The following ADAMTS18 variants were observed in gnomAD, a reference collection of about 807,000 sequenced individuals.
ADAMTS18 encodes ADAM metallopeptidase with thrombospondin type 1 motif 18, also known as A disintegrin and metalloproteinase with thrombospondin motifs 18.
In ADAMTS18, 157 loss-of-function variants were observed where a neutral mutation model predicts 165.9. The ratio of observed to expected loss-of-function variants is 0.95; its 90% CI spans 0.83 to 1.08. ADAMTS18 has a LOEUF of 1.08. Ranked by LOEUF, ADAMTS18 falls within the 50% of genes least tolerant of loss-of-function variation. The pLI, the probability that ADAMTS18 is intolerant of heterozygous loss-of-function variation, is 0.00. For missense variants in ADAMTS18, 2,040 were observed against 1,534.0 expected, an observed-to-expected ratio of 1.33 and a Z score of -5.51; for synonymous variants, 782 against 578.2, an observed-to-expected ratio of 1.35 and a Z score of -5.06.
intron 12 of ADAMTS18, among the ~76,000 whole-genome samples, chr16:77,331,099 G>T (rs182105192): frequency 9.6e-4 from 146 of 152,264 alleles, no homozygotes; most frequent in South Asian, 3.9e-3. Context: ...TGATAAAACT[G>T]CACTGAATGA....
At chr16:77,426,908 G>T (rs1385269741) in intron 3 of ADAMTS18, among the ~76,000 whole-genome samples, 1 of 152,108 alleles carries the variant, frequency 6.6e-6, no homozygotes, top group East Asian at 1.9e-4. Flanking sequence ...CAGCTACTTG[G>T]GGGGCTGAGT....
At chr16:77,429,577 A>C (rs1270580302) in intron 3 of ADAMTS18, among the ~76,000 whole-genome samples, 1 of 152,220 alleles carries the variant, frequency 6.6e-6, no homozygotes, top group East Asian at 1.9e-4. Context: ...TGTACCCCTG[A>C]ACCTAAAAGT....
chr16:77,432,654 C>T (rs2057752634), intron 2 of ADAMTS18, among the ~76,000 whole-genome samples: 1 of 152,076 alleles, frequency 6.6e-6, no homozygotes, highest in African/African-American at 2.4e-5. Flanking sequence ...GTTTAGAAAG[C>T]TGTTGAATAA....
At chr16:77,413,431 T>C (rs2144833256) in intron 3 of ADAMTS18, among the ~76,000 whole-genome samples, 2 of 152,304 alleles carry the variant, frequency 1.3e-5, no homozygotes, top group South Asian at 4.1e-4. Flanking sequence ...GTGCTAGCAT[T>C]GCCACCAGCA....
In ADAMTS18 at chr16:77,363,069, G is replaced by A. The variant is rs143128996; in HGVS notation, c.1056+733C>T. ...CCTGCTTTTTATGTTTTTTACTGGC[G>A]TTACAGAAGAAGAGGAAAAGCCTCG... On this transcript the variant is annotated intron_variant, in intron 6 of 22. Coordinates refer to ENST00000282849, the MANE Select transcript of ADAMTS18 (RefSeq NM_199355.4). Among the ~76,000 whole-genome samples the A allele has an allele frequency of 4.5e-3, 687 of 152,152 alleles. 3 individuals carry two copies. Among genetic ancestry groups the A allele is most frequent in the Non-Finnish European group, 6.8e-3 (461 of 68,012 alleles).
Position 77,434,475 on chromosome 16 carries a change from A to G in ADAMTS18, c.121T>C (p.Ser41Pro). 6.4e-7 allele frequency: 1 copy of G among 1,569,842 alleles called. No individual in the cohort carries two copies. Among genetic ancestry groups the G allele is most frequent in the Non-Finnish European group, 8.6e-7 (1 of 1,162,580 alleles). The change falls in exon 2 of 23, where the codon TCG becomes CCG. Residue 41 changes from serine (S) to proline (P), a missense_variant. Ser to Pro is a moderately conservative substitution (Grantham distance 74, BLOSUM62 -1). Transcript: ENST00000282849. ...TCACTGGCTAAGGCCGCGGCGACCG[A>G]CGCACAGCAGAGGCAGCACAGCTGG... ...ALQLCCLCCA[S>P]VAAALASDSS...
chr16:77,428,974 A>G (rs933144555), intron 3 of ADAMTS18, among the ~76,000 whole-genome samples: 1 of 152,216 alleles, frequency 6.6e-6, no homozygotes, highest in African/African-American at 2.4e-5. Flanking sequence ...CAGTCATAAC[A>G]GCCCCAAACT....
chr16:77,356,859 C>A (rs887169081), intron 8 of ADAMTS18, among the ~76,000 whole-genome samples: 1 of 152,016 alleles, frequency 6.6e-6, no homozygotes, highest in South Asian at 2.1e-4. Context: ...AATGTGCATA[C>A]CCACATAGGA....
Position 77,335,779 on chromosome 16 carries a change from C to T in ADAMTS18, c.1836G>A (p.Gln612=), listed in dbSNP as rs2056299383. ...ACTTGGGGTTATTGCAGTGTCTCTC[C>T]TGGAACTTGACTCCTCCACCACATG... ...SRTCGGGVKF[Q]ERHCNNPKPQ... is the part of the protein sequence containing the mutation. The change falls in exon 12 of 23, where the codon CAG becomes CAA. Residue 612 remains glutamine (Q), a synonymous_variant. Coordinates refer to ENST00000282849, the MANE Select transcript of ADAMTS18 (RefSeq NM_199355.4). 6.2e-7 allele frequency: 1 copy of T among 1,614,112 alleles called. No homozygotes were observed. Among genetic ancestry groups the T allele is most frequent in the Non-Finnish European group, 8.5e-7 (1 of 1,180,040 alleles).
chr16:77,291,689 G>T (rs1406779872), intron 20 of ADAMTS18, among the ~76,000 whole-genome samples: 1 of 152,218 alleles, frequency 6.6e-6, no homozygotes, highest in Non-Finnish European at 1.5e-5. Context: ...GAACGGAACT[G>T]ACTTTCCCAA....
chr16:77,301,659 G>C (rs1292500556), intron 16 of ADAMTS18, among the ~76,000 whole-genome samples: 1 of 152,206 alleles, frequency 6.6e-6, no homozygotes, highest in Non-Finnish European at 1.5e-5. Flanking sequence ...GTGGGTGGCA[G>C]CTGTTCAAGG....
intron 22 of ADAMTS18, among the ~76,000 whole-genome samples, chr16:77,286,450 A>C (rs1278640353): frequency 6.6e-6 from 1 of 152,186 alleles, no homozygotes; most frequent in Non-Finnish European, 1.5e-5. Context: ...TCTGGTTCAC[A>C]GTAAGCACTA....
chr16:77,352,729 T>C (rs1379448424), intron 10 of ADAMTS18, among the ~76,000 whole-genome samples: 1 of 152,044 alleles, frequency 6.6e-6, no homozygotes, highest in African/African-American at 2.4e-5. Flanking sequence ...GCTATAAACC[T>C]CCATAATTTC....
At chr16:77,392,674 C>T (rs926305352) in intron 3 of ADAMTS18, among the ~76,000 whole-genome samples, 1 of 152,094 alleles carries the variant, frequency 6.6e-6, no homozygotes, top group African/African-American at 2.4e-5. Context: ...TTCCCAGTGC[C>T]GAGCCCTGTT....
intron 16 of ADAMTS18, among the ~76,000 whole-genome samples, chr16:77,303,673 C>T (rs2055628464): frequency 6.6e-6 from 1 of 151,968 alleles, no homozygotes; most frequent in Admixed American, 6.6e-5. Flanking sequence ...AAGTGATATC[C>T]CCCAGTGGAG....
intron 17 of ADAMTS18, among the ~76,000 whole-genome samples, chr16:77,299,127 T>C (rs564055550): frequency 3.6e-4 from 55 of 152,320 alleles, no homozygotes; most frequent in Middle Eastern, 3.4e-3. Context: ...TGTGACTAAA[T>C]GAAACAGTGT....
At chr16:77,401,664 G>C (rs1209388150) in intron 3 of ADAMTS18, among the ~76,000 whole-genome samples, 5 of 152,178 alleles carry the variant, frequency 3.3e-5, no homozygotes, top group African/African-American at 1.2e-4. Context: ...TTCTGGGTGT[G>C]TCTATGAGGG....
intron 3 of ADAMTS18, among the ~76,000 whole-genome samples, chr16:77,399,109 G>T (rs1408607492): frequency 6.6e-6 from 1 of 152,186 alleles, no homozygotes; most frequent in Non-Finnish European, 1.5e-5. Context: ...ATGTGATTCA[G>T]CTAGAAGCTA....
intron 3 of ADAMTS18, among the ~76,000 whole-genome samples, chr16:77,372,028 C>T (rs1427072980): frequency 6.6e-6 from 1 of 152,048 alleles, no homozygotes; most frequent in Non-Finnish European, 1.5e-5. Flanking sequence ...AAAAAATGCT[C>T]AACATCACTA....
Sources: allele counts gnomAD v4.1 joint callset (sites outside exome capture counted in the v4.1 genomes callset), GRCh38; gene constraint gnomAD v4.1.1; transcripts MANE v1.5; gene names NCBI Gene and HGNC (gene_info 2026-07-23, HGNC 2026-07-21).